Variants in SHROOM3 observed in about 807,000 individuals in gnomAD.
The protein encoded by SHROOM3 is protein Shroom3.
SHROOM3 carries 47 observed loss-of-function variants against 138.6 expected under a neutral mutation model. That is an observed-to-expected ratio of 0.34 (90% CI 0.27 to 0.43). The LOEUF (loss-of-function observed/expected upper bound fraction) is 0.43, where lower values mean the gene tolerates loss of function less well. SHROOM3 is among the 20% of genes least tolerant of loss of function. SHROOM3 has a pLI of 1.00. For missense variants in SHROOM3, 2,491 were observed against 2,596.5 expected, an observed-to-expected ratio of 0.96 and a Z score of 0.88; for synonymous variants, 1,062 against 1,063.3, an observed-to-expected ratio of 1.00 and a Z score of 0.02.
chr4:76,605,373 T>G (rs976309986), intron 2 of SHROOM3, among the ~76,000 whole-genome samples: 38 of 152,174 alleles, frequency 2.5e-4, no homozygotes, highest in Admixed American at 7.2e-4. Context: ...GAGAGAACAG[T>G]TCTCATTATA....
intron 8 of SHROOM3, 104 bp downstream of exon 8, chr4:76,757,041 G>A: frequency 1.3e-6 from 2 of 1,571,028 alleles, no homozygotes; most frequent in East Asian, 2.2e-5. Flanking sequence ...TACTGCCACA[G>A]CTCCTGAACC....
chr4:76,767,422 T>C (rs1560622299), intron 9 of SHROOM3, among the ~76,000 whole-genome samples: 1 of 152,228 alleles, frequency 6.6e-6, no homozygotes, highest in Non-Finnish European at 1.5e-5. Flanking sequence ...CTCACACCTG[T>C]AATCCCAGCA....
intron 2 of SHROOM3, among the ~76,000 whole-genome samples, chr4:76,560,196 A>G (rs576880533): frequency 6.6e-6 from 1 of 152,318 alleles, no homozygotes; most frequent in Admixed American, 6.5e-5. Flanking sequence ...ATAGTTGTCC[A>G]GGGATCGGGT....
At chr4:76,560,230 A>G (rs1733572349) in intron 2 of SHROOM3, among the ~76,000 whole-genome samples, 1 of 152,184 alleles carries the variant, frequency 6.6e-6, no homozygotes, top group Non-Finnish European at 1.5e-5. Flanking sequence ...GAAACTGACA[A>G]AGGAAAGGGT....
chr4:76,479,750 A>G (rs1444028433), intron 1 of SHROOM3, among the ~76,000 whole-genome samples: 1 of 152,216 alleles, frequency 6.6e-6, no homozygotes, highest in Non-Finnish European at 1.5e-5. Flanking sequence ...GGTTACCCAC[A>G]AAGGAGAGCC....
chr4:76,638,641 G>A (rs898849514), intron 2 of SHROOM3, among the ~76,000 whole-genome samples: 3 of 152,132 alleles, frequency 2.0e-5, no homozygotes, highest in Non-Finnish European at 4.4e-5. Flanking sequence ...CAGACCAAAT[G>A]GGTTCAAAAC....
rs750684327 is a variant in SHROOM3 at position 76,754,927 on chromosome 4, C to G, written c.4444C>G (p.Pro1482Ala). ...PDTPLGAPST[P>A]GRISLRISES... is the part of the protein sequence containing the mutation. ...CACACCTCTTGGGGCCCCGAGCACT[C>G]CAGGGAGGATCTCCCTCCGAATATC... Residue 1482 changes from proline to alanine, a missense_variant, in exon 7 of 11, where the codon CCA (proline) becomes GCA (alanine). Transcript: ENST00000296043. 6.2e-7 allele frequency: 1 copy of G among 1,614,180 alleles called. No homozygotes were observed. Among genetic ancestry groups the G allele is most frequent in the Non-Finnish European group, 8.5e-7 (1 of 1,180,028 alleles).
Position 76,770,620 on chromosome 4 carries a change from T to C in SHROOM3, c.5350-6T>C. 1 of 1,613,894 alleles carries C rather than the reference T, an allele frequency of 6.2e-7. No homozygotes were observed. The highest frequency in any genetic ancestry group is 8.5e-7 in the Non-Finnish European group (1 of 1,180,032). ...CTGATCTTTGCGGTCTTATCTGTCA[T>C]TTCAGGCTGAGCTCATTGGAAGTCT... is the stretch of plus-strand genomic sequence containing the variant. On this transcript the variant is annotated splice_polypyrimidine_tract_variant and splice_region_variant and intron_variant, in intron 9 of 10. Coordinates refer to ENST00000296043, the MANE Select transcript of SHROOM3 (RefSeq NM_020859.4).
intron 1 of SHROOM3, among the ~76,000 whole-genome samples, chr4:76,553,506 C>A (rs1733411694): frequency 6.6e-6 from 1 of 152,018 alleles, no homozygotes; most frequent in Admixed American, 6.6e-5. Context: ...GAACTCCTGA[C>A]CTCAGGTGAT....
intron 1 of SHROOM3, among the ~76,000 whole-genome samples, chr4:76,466,222 C>T (rs1731246954): frequency 1.3e-5 from 2 of 152,140 alleles, no homozygotes; most frequent in African/African-American, 4.8e-5. Flanking sequence ...CCTTTGTTGC[C>T]TAGGCATTGG....
At chr4:76,672,921 A>T (rs188827535) in intron 2 of SHROOM3, among the ~76,000 whole-genome samples, 2 of 152,234 alleles carry the variant, frequency 1.3e-5, no homozygotes, top group East Asian at 3.9e-4. Flanking sequence ...CATTAAGGGG[A>T]TTCTGCCTCA....
At chr4:76,771,992 T>C (rs1282331102) in intron 10 of SHROOM3, among the ~76,000 whole-genome samples, 1 of 152,100 alleles carries the variant, frequency 6.6e-6, no homozygotes, top group African/African-American at 2.4e-5. Context: ...TTTATATATA[T>C]GTGCACACAG....
At chr4:76,503,432 A>G (rs2110000696) in intron 1 of SHROOM3, among the ~76,000 whole-genome samples, 1 of 152,004 alleles carries the variant, frequency 6.6e-6, no homozygotes, top group East Asian at 1.9e-4. Flanking sequence ...TTGCTATTAT[A>G]TATATATATT....
intron 1 of SHROOM3, among the ~76,000 whole-genome samples, chr4:76,464,788 C>A (rs1261617789): frequency 6.6e-6 from 1 of 152,160 alleles, no homozygotes; most frequent in Non-Finnish European, 1.5e-5. Flanking sequence ...CTCTCTCTCT[C>A]CTGCACCACC....
At chr4:76,493,958 A>G (rs1191792773) in intron 1 of SHROOM3, among the ~76,000 whole-genome samples, 1 of 152,206 alleles carries the variant, frequency 6.6e-6, no homozygotes, top group African/African-American at 2.4e-5. Context: ...CAGCTTGGGC[A>G]ACAAGAGTGA....
chr4:76,753,820 A>C (rs1721710999), intron 6 of SHROOM3, among the ~76,000 whole-genome samples: 1 of 152,206 alleles, frequency 6.6e-6, no homozygotes, highest in Admixed American at 6.5e-5. Context: ...AAAAGTTGTA[A>C]ATAAAACCTT....
chr4:76,603,614 AG>A (rs1417485558), intron 2 of SHROOM3, among the ~76,000 whole-genome samples: 2 of 151,976 alleles, frequency 1.3e-5, no homozygotes, highest in African/African-American at 4.8e-5. Flanking sequence ...TTTAAGTTCT[AG>A]GGCACATGTG....
At chr4:76,478,856 C>T (rs554208504) in intron 1 of SHROOM3, among the ~76,000 whole-genome samples, 1 of 152,244 alleles carries the variant, frequency 6.6e-6, no homozygotes, top group East Asian at 1.9e-4. Flanking sequence ...AGTGGACCTT[C>T]AGCAAACTCT....
intron 4 of SHROOM3, 104 bp downstream of exon 4, chr4:76,731,039 C>G (rs531235714): frequency 1.4e-6 from 2 of 1,452,358 alleles, no homozygotes; most frequent in African/African-American, 2.8e-5. Flanking sequence ...TTCTTATACT[C>G]ACACTAAATA....
Sources: allele counts gnomAD v4.1 joint callset (sites outside exome capture counted in the v4.1 genomes callset), GRCh38; gene constraint gnomAD v4.1.1; transcripts MANE v1.5; gene names NCBI Gene and HGNC (gene_info 2026-07-23, HGNC 2026-07-21).